The following TP73 variants were observed in gnomAD, a reference collection of about 807,000 sequenced individuals.
The protein encoded by TP73 is tumor protein p73.
A neutral mutation model predicts 62.5 loss-of-function variants in TP73; 25 were observed. The ratio of observed to expected loss-of-function variants is 0.40; its 90% CI spans 0.29 to 0.56. The LOEUF (loss-of-function observed/expected upper bound fraction) is 0.56, where lower values mean the gene tolerates loss of function less well. Ranked by LOEUF, TP73 falls within the 20% of genes least tolerant of loss-of-function variation. TP73 has a pLI of 0.46. For missense variants in TP73, 754 were observed against 913.3 expected (o/e 0.83, Z 2.25); for synonymous variants, 423 against 377.5 (o/e 1.12, Z -1.40).
At chr1:3,711,084 G>A (rs937862307) in intron 4 of TP73, among the ~76,000 whole-genome samples, 6 of 152,234 alleles carry the variant, frequency 3.9e-5, no homozygotes, top group East Asian at 1.9e-4. Flanking sequence ...AGAGCTGCCC[G>A]TGAGCACCTT....
chr1:3,725,760 T>G (rs1570620378), intron 6 of TP73, among the ~76,000 whole-genome samples: 4 of 38,690 alleles, frequency 1.0e-4, no homozygotes, highest in Non-Finnish European at 9.5e-5. Flanking sequence ...GATGGATGGA[T>G]GGGGTGGGGG....
chr1:3,710,489 C>G (rs1640044852), intron 4 of TP73, among the ~76,000 whole-genome samples: 1 of 152,186 alleles, frequency 6.6e-6, no homozygotes, highest in Non-Finnish European at 1.5e-5. Context: ...GCTGCCTGTG[C>G]TTGCGTCCGG....
At chr1:3,689,455 C>T (rs992667072) in intron 3 of TP73, among the ~76,000 whole-genome samples, 2 of 152,186 alleles carry the variant, frequency 1.3e-5, no homozygotes, top group African/African-American at 4.8e-5. Flanking sequence ...GGCCCCAGCC[C>T]CTTGGGGCAC....
intron 1 of TP73, among the ~76,000 whole-genome samples, chr1:3,681,086 G>A (rs993461408): frequency 1.3e-5 from 2 of 152,188 alleles, no homozygotes; most frequent in African/African-American, 2.4e-5. Flanking sequence ...CATGGCTCAC[G>A]GACCGCCCCT....
At chr1:3,674,343 C>T (rs923658788) in intron 1 of TP73, among the ~76,000 whole-genome samples, 6 of 152,238 alleles carry the variant, frequency 3.9e-5, no homozygotes, top group South Asian at 2.1e-4. Context: ...TCCAGCTGTC[C>T]GCATATTTCA....
At chr1:3,704,335 G>T (rs995201510) in intron 3 of TP73, among the ~76,000 whole-genome samples, 2 of 152,154 alleles carry the variant, frequency 1.3e-5, no homozygotes, top group African/African-American at 4.8e-5. Flanking sequence ...CCGTGGTCCT[G>T]AGCCCTTGGA....
At chr1:3,710,129 G>A (rs1640006755) in intron 4 of TP73, among the ~76,000 whole-genome samples, 1 of 149,868 alleles carries the variant, frequency 6.7e-6, no homozygotes, top group African/African-American at 2.5e-5. Context: ...GGAAAGCTGT[G>A]CCTGGTGCCC....
In TP73 at chr1:3,732,879, ATCGGCGGC is replaced by A; in HGVS notation, c.1714_1721del (p.Gly572ArgfsTer33). Reference sequence around the variant, plus strand: ...CTCTAGCAACGCGGCCACCATCTCCATCGGCGGCTCAGGGGAACTGCAGCGCCAGCGGG... The same window carrying A: ...CTCTAGCAACGCGGCCACCATCTCCATCAGGGGAACTGCAGCGCCAGCGGG... On this transcript the variant is annotated frameshift_variant, in exon 14 of 14. Transcript: ENST00000378295. LOFTEE classifies it high-confidence loss of function. The A allele has an allele frequency of 6.2e-7, 1 of 1,611,656 alleles. No individual in the cohort carries two copies. The highest frequency in any genetic ancestry group is 8.5e-7 in the Non-Finnish European group (1 of 1,179,638).
chr1:3,674,344 G>A (rs935084605), intron 1 of TP73, among the ~76,000 whole-genome samples: 3 of 152,236 alleles, frequency 2.0e-5, no homozygotes, highest in Non-Finnish European at 2.9e-5. Flanking sequence ...CCAGCTGTCC[G>A]CATATTTCAC....
chr1:3,658,986 C>T (rs1644929903), intron 1 of TP73: 1 of 150,558 alleles, frequency 6.6e-6, no homozygotes, highest in South Asian at 2.1e-4. Flanking sequence ...TTTGGGGTGA[C>T]GTATTCTGGT....
chr1:3,708,260 G>A (rs1311795174), intron 4 of TP73: 2 of 188,728 alleles, frequency 1.1e-5, no homozygotes, highest in Admixed American at 1.1e-4. Flanking sequence ...TGCTGGCACT[G>A]TCTCTGGAGT....
chr1:3,678,522 A>G (rs1242178749), intron 1 of TP73, among the ~76,000 whole-genome samples: 1 of 152,226 alleles, frequency 6.6e-6, no homozygotes, highest in Non-Finnish European at 1.5e-5. Context: ...CAATGCTACC[A>G]GCGTTGGCGT....
At position 3,686,694 on chromosome 1, in the gene TP73, G is replaced by A. The variant is rs563038374; in HGVS notation, c.186+3514G>A. Among the ~76,000 whole-genome samples, 12 of 152,292 alleles carry A rather than the reference G, an allele frequency of 7.9e-5. No individual in the cohort carries two copies. In the South Asian group the frequency reaches 8.3e-4, roughly 11 times the overall value. ...GTGGCCATAGCAGGAAACAGACCCC[G>A]TGGTCACTGTGGCCATCTGACTGAG... is the stretch of plus-strand genomic sequence containing the variant. On this transcript the variant is annotated intron_variant, in intron 3 of 13. Coordinates refer to ENST00000378295, the MANE Select transcript of TP73 (RefSeq NM_005427.4).
intron 1 of TP73, among the ~76,000 whole-genome samples, chr1:3,671,657 G>A (rs373123339): frequency 1.9e-3 from 287 of 152,380 alleles, no homozygotes; most frequent in African/African-American, 6.0e-3. Flanking sequence ...CAGGCTGCTC[G>A]CCCTCTCGGG....
At chr1:3,678,640 C>A (rs922652479) in intron 1 of TP73, among the ~76,000 whole-genome samples, 2 of 152,258 alleles carry the variant, frequency 1.3e-5, no homozygotes, top group African/African-American at 2.4e-5. Context: ...TAATGAGGAA[C>A]CCGATTCCCA....
At chr1:3,675,598 G>C (rs946640828) in intron 1 of TP73, among the ~76,000 whole-genome samples, 1 of 152,088 alleles carries the variant, frequency 6.6e-6, no homozygotes, top group Non-Finnish European at 1.5e-5. Flanking sequence ...AGGGGCCTGT[G>C]TCTCCTGCCC....
At chr1:3,729,919 TG>T in intron 10 of TP73, 80 bp from the exon 11 acceptor site, 1 of 1,486,644 alleles carries the variant, frequency 6.7e-7, no homozygotes, top group Non-Finnish European at 9.0e-7. Context: ...ATTCGCAGCA[TG>T]GGGGCATCAC....
At chr1:3,719,331 C>T (rs745826290) in intron 4 of TP73, among the ~76,000 whole-genome samples, 1 of 152,232 alleles carries the variant, frequency 6.6e-6, no homozygotes, top group Admixed American at 6.5e-5. Flanking sequence ...AAATGCTCAG[C>T]AATGGGCAGC....
At chr1:3,686,479 C>T (rs968254657) in intron 3 of TP73, among the ~76,000 whole-genome samples, 5 of 152,130 alleles carry the variant, frequency 3.3e-5, no homozygotes, top group African/African-American at 1.2e-4. Flanking sequence ...CTCTGGGATG[C>T]CAGGTGCTGG....
Sources: gnomAD v4.1 joint callset for allele counts (sites outside exome capture counted in the v4.1 genomes callset) on GRCh38, gnomAD v4.1.1 for gene constraint, MANE v1.5 for transcripts, NCBI Gene and HGNC (gene_info 2026-07-23, HGNC 2026-07-21) for gene names.